PRKCB: variants seen among roughly 807,000 people sequenced by gnomAD.
PRKCB encodes the protein protein kinase C beta.
A neutral mutation model predicts 81.5 loss-of-function variants in PRKCB; 13 were observed. The ratio of observed to expected loss-of-function variants is 0.16; its 90% confidence interval spans 0.10 to 0.25. The LOEUF (loss-of-function observed/expected upper bound fraction) is 0.25, where lower values mean the gene tolerates loss of function less well. Among genes scored for constraint, PRKCB ranks in the 10% least tolerant of loss-of-function variants. The pLI, the probability that PRKCB is intolerant of heterozygous loss-of-function variation, is 1.00. For missense variants in PRKCB, 509 were observed against 875.7 expected, an observed-to-expected ratio of 0.58 and a Z score of 5.29; for synonymous variants, 335 against 321.4, an observed-to-expected ratio of 1.04 and a Z score of -0.45.
chr16:24,170,587 T>G (rs1967427442), intron 10 of PRKCB, among the ~76,000 whole-genome samples: 1 of 152,078 alleles, frequency 6.6e-6, no homozygotes, highest in African/African-American at 2.4e-5. Context: ...GCAAACACCC[T>G]CTGATGGAAG....
intron 2 of PRKCB, among the ~76,000 whole-genome samples, chr16:23,950,295 T>C (rs1360432179): frequency 2.6e-5 from 4 of 152,168 alleles, no homozygotes; most frequent in Non-Finnish European, 2.9e-5. Flanking sequence ...TTCTTAGCTG[T>C]CTGTCCCACT....
chr16:24,192,340 G>A (rs1967806544), intron 16 of PRKCB, among the ~76,000 whole-genome samples: 1 of 152,068 alleles, frequency 6.6e-6, no homozygotes, highest in Non-Finnish European at 1.5e-5. Context: ...GTCTTTGAGG[G>A]GCAGAATCCT....
rs1406871069 is a variant in PRKCB at position 23,921,094 on chromosome 16, A to AC, written c.206-67409dup. On this transcript the variant is annotated intron_variant, in intron 2 of 16. Coordinates refer to ENST00000643927, the MANE Select transcript of PRKCB (RefSeq NM_002738.7). ...CCATGAGAACAGTATGGGGGAAACCACCCCCATGATTCAGTTATTTCCACC... is the reference window on the plus strand; with the variant it reads ...CCATGAGAACAGTATGGGGGAAACCACCCCCCATGATTCAGTTATTTCCACC... Among the ~76,000 whole-genome samples the AC allele has an allele frequency of 2.6e-5, 4 of 152,076 alleles. No individual in the cohort carries two copies. In the East Asian group the frequency reaches 7.7e-4, roughly 29 times the overall value.
At chr16:23,900,103 G>A (rs957700161) in intron 2 of PRKCB, among the ~76,000 whole-genome samples, 3 of 152,262 alleles carry the variant, frequency 2.0e-5, no homozygotes, top group South Asian at 2.1e-4. Context: ...TTGGGGTGGT[G>A]GGGGTTGCTA....
chr16:24,075,787 G>A (rs200873265), intron 5 of PRKCB, among the ~76,000 whole-genome samples: 1 of 152,226 alleles, frequency 6.6e-6, no homozygotes, highest in East Asian at 1.9e-4. Context: ...TTCCTACCCT[G>A]GTGAGGCTGG....
intron 7 of PRKCB, among the ~76,000 whole-genome samples, chr16:24,095,623 G>T (rs139721415): frequency 1.1e-3 from 175 of 152,248 alleles, no homozygotes; most frequent in Admixed American, 9.3e-3. Flanking sequence ...CAGAATTCAG[G>T]CTCCTTTCAT....
At chr16:23,862,779 G>C (rs1232969832) in intron 2 of PRKCB, among the ~76,000 whole-genome samples, 1 of 152,022 alleles carries the variant, frequency 6.6e-6, no homozygotes, top group Admixed American at 6.6e-5. Flanking sequence ...ACTCCATCTT[G>C]AGTAAGGGCT....
At chr16:23,971,180 C>A (rs1964550192) in intron 2 of PRKCB, among the ~76,000 whole-genome samples, 1 of 152,168 alleles carries the variant, frequency 6.6e-6, no homozygotes. Context: ...GCAGTAGTTA[C>A]CATCATTGTC....
chr16:23,894,670 G>A (rs1257653618), intron 2 of PRKCB, among the ~76,000 whole-genome samples: 1 of 152,164 alleles, frequency 6.6e-6, no homozygotes, highest in Admixed American at 6.5e-5. Context: ...CCAGAGAATT[G>A]TGAGGGAAAA....
chr16:23,962,379 C>G (rs2141791831), intron 2 of PRKCB, among the ~76,000 whole-genome samples: 3 of 152,326 alleles, frequency 2.0e-5, no homozygotes, highest in Admixed American at 2.0e-4. Flanking sequence ...CATTGTGCTG[C>G]TTTTGATTCC....
intron 2 of PRKCB, among the ~76,000 whole-genome samples, chr16:23,866,753 A>G (rs1962796735): frequency 1.3e-5 from 2 of 152,208 alleles, no homozygotes; most frequent in South Asian, 4.1e-4. Context: ...GTTTTGCCAA[A>G]TGTTCTCCAG....
At chr16:24,112,848 CA>C (rs1567379000) in intron 7 of PRKCB, 124 bp from the exon 8 acceptor site, 1 of 594,384 alleles carries the variant, frequency 1.7e-6, no homozygotes, top group South Asian at 2.4e-5. Context: ...CAAAACAAAC[CA>C]AAAAACCCTC....
chr16:23,864,796 C>T (rs1442831699), intron 2 of PRKCB, among the ~76,000 whole-genome samples: 2 of 151,918 alleles, frequency 1.3e-5, no homozygotes, highest in Admixed American at 6.6e-5. Context: ...GGTTATGGAG[C>T]GTGATGCTAA....
At chr16:23,893,729 C>T (rs949223659) in intron 2 of PRKCB, 1 of 152,192 alleles carries the variant, frequency 6.6e-6, no homozygotes, top group African/African-American at 2.4e-5. Context: ...AAACATTTTA[C>T]TGTACCAAAT....
At chr16:23,960,325 C>G (rs981125063) in intron 2 of PRKCB, among the ~76,000 whole-genome samples, 2 of 152,128 alleles carry the variant, frequency 1.3e-5, no homozygotes, top group African/African-American at 4.8e-5. Context: ...TTCCCCTCTC[C>G]TCACCTCTTC....
At chr16:23,875,705 CAT>C (rs775964463) in intron 2 of PRKCB, among the ~76,000 whole-genome samples, 4 of 99,474 alleles carry the variant, frequency 4.0e-5, no homozygotes, top group African/African-American at 9.6e-5. Context: ...GTATATCACA[CAT>C]ATATATGTAT....
chr16:24,178,373 T>C (rs1223746149), intron 12 of PRKCB, among the ~76,000 whole-genome samples: 1 of 152,244 alleles, frequency 6.6e-6, no homozygotes, highest in Non-Finnish European at 1.5e-5. Context: ...ATCAAAACAC[T>C]GTATGTGACA....
At position 24,219,255 on chromosome 16, in the gene PRKCB, G is replaced by GTTTTC; in HGVS notation, c.*4443_*4444insCTTTT. The GTTTTC allele has an allele frequency of 1.0e-6, 1 of 976,758 alleles. No individual in the cohort carries two copies. The highest frequency in any genetic ancestry group is 1.2e-6 in the Non-Finnish European group (1 of 821,992). The allele number at this position is 976,758 out of a possible 1,614,324, so 60.5% of individuals were successfully genotyped here. On this transcript the variant is annotated 3_prime_UTR_variant, in exon 17 of 17. Coordinates refer to ENST00000643927, the MANE Select transcript of PRKCB (RefSeq NM_002738.7). Reference sequence around the variant, plus strand: ...AGTTGCTTTGAGTTTCTTTTGTTTTGTTTTGTTTTGTTTTGTTTTAAGGCT... The same window carrying GTTTTC: ...AGTTGCTTTGAGTTTCTTTTGTTTTGTTTTCTTTTGTTTTGTTTTGTTTTAAGGCT...
At chr16:24,080,599 GACAGTTGTACAT>G (rs1191278103) in intron 5 of PRKCB, among the ~76,000 whole-genome samples, 7 of 152,192 alleles carry the variant, frequency 4.6e-5, no homozygotes. Flanking sequence ...ATAACCAGTG[GACAGTTGTACAT>G]ACAGTTGTAA....
Sources: gnomAD v4.1 joint callset for allele counts (sites outside exome capture counted in the v4.1 genomes callset) on GRCh38, gnomAD v4.1.1 for gene constraint, MANE v1.5 for transcripts, NCBI Gene and HGNC (gene_info 2026-07-23, HGNC 2026-07-21) for gene names.